The following CDCA7L variants were observed in gnomAD, a reference collection of about 807,000 sequenced individuals.
The protein encoded by CDCA7L is cell division cycle associated 7 like.
CDCA7L carries 44 observed loss-of-function variants against 57.4 expected under a neutral mutation model. That is an observed-to-expected ratio of 0.77 (90% CI 0.60 to 0.98). CDCA7L has a LOEUF of 0.98. Among genes scored for constraint, CDCA7L ranks in the 50% least tolerant of loss-of-function variants. The pLI is 0.00. For synonymous variants in CDCA7L, 236 were observed against 202.8 expected (o/e 1.16, Z -1.39); for missense variants, 644 against 580.6 (o/e 1.11, Z -1.12).
intron 1 of CDCA7L, among the ~76,000 whole-genome samples, chr7:21,939,556 A>C (rs540504072): frequency 1.8e-4 from 28 of 152,196 alleles, no homozygotes; most frequent in Non-Finnish European, 3.5e-4. Context: ...TCCTCCAGGG[A>C]GGTCAGCAGA....
At chr7:21,913,322 G>C (rs913629482) in intron 2 of CDCA7L, among the ~76,000 whole-genome samples, 1 of 151,844 alleles carries the variant, frequency 6.6e-6, no homozygotes, top group African/African-American at 2.4e-5. Context: ...GATAGCTGTA[G>C]TGCAGCTGCT....
intron 1 of CDCA7L, among the ~76,000 whole-genome samples, chr7:21,943,286 C>A (rs1786403288): frequency 6.6e-6 from 1 of 152,244 alleles, no homozygotes; most frequent in Non-Finnish European, 1.5e-5. Flanking sequence ...AAAGCAGACT[C>A]GAAAGTAGTT....
In CDCA7L at chr7:21,910,548, G is replaced by C. The variant is rs923268442; in HGVS notation, c.303+1069C>G. ...CTTTAGCAGCTTCTGGCTGTGAAGA[G>C]GCGTAAACTCTACGTTCCATCTTCA... On this transcript the variant is annotated intron_variant, in intron 3 of 9. Transcript: ENST00000406877. Among the ~76,000 whole-genome samples the C allele has an allele frequency of 9.8e-5, 15 of 152,326 alleles. No homozygotes were observed. The South Asian group carries it at 1.7e-3, about 17-fold the overall frequency.
intron 1 of CDCA7L, among the ~76,000 whole-genome samples, chr7:21,932,869 T>G (rs1786057220): frequency 6.6e-6 from 1 of 151,692 alleles, no homozygotes; most frequent in East Asian, 1.9e-4. Flanking sequence ...ACAGGCAACT[T>G]ACAGAATGGA....
intron 1 of CDCA7L, among the ~76,000 whole-genome samples, chr7:21,924,559 G>A (rs1204352628): frequency 6.6e-6 from 1 of 152,102 alleles, no homozygotes; most frequent in Admixed American, 6.5e-5. Context: ...TAAATTTGTT[G>A]GCCCATAAGA....
Position 21,900,925 on chromosome 7 carries a change from T to C in CDCA7L, c.*1397A>G. 1.4e-6 allele frequency: 2 copies of C among 1,417,730 alleles called. No individual in the cohort carries two copies. The highest frequency in any genetic ancestry group is 1.8e-6 in the Non-Finnish European group (2 of 1,081,740). The allele number at this position is 1,417,730 out of a possible 1,614,324, so 87.8% of individuals were successfully genotyped here. A position where few individuals can be genotyped will look rare whatever the true frequency, so the allele number is the denominator to read the frequency against. The stretch of plus-strand genomic sequence containing the variant: ...ATGACAAAACCAGAATGTTGAATGT[T>C]TATTGCATCAAACAACTTACTTGAT... On this transcript the variant is annotated 3_prime_UTR_variant, in exon 10 of 10. Transcript: ENST00000406877.
At position 21,901,309 on chromosome 7, in the gene CDCA7L, ATGTTGCTGCAC is replaced by A; in HGVS notation, c.*1002_*1012del. On this transcript the variant is annotated 3_prime_UTR_variant, in exon 10 of 10. Coordinates refer to ENST00000406877, the MANE Select transcript of CDCA7L (RefSeq NM_018719.5). ...TGGAGTGCAGTGAGGATTTTCTAGC[ATGTTGCTGCAC>A]TGTTCCCATGCACATTATTCTAACT... is the stretch of plus-strand genomic sequence containing the variant. 6.7e-7 allele frequency: 1 copy of A among 1,500,800 alleles called. No individual in the cohort carries two copies. The highest frequency in any genetic ancestry group is 1.9e-4 in the Middle Eastern group (1 of 5,404). 93.0% of individuals were successfully genotyped at this position (1,500,800 alleles called of 1,614,324 possible).
intron 4 of CDCA7L, among the ~76,000 whole-genome samples, chr7:21,907,632 T>C (rs1017991419): frequency 1.3e-5 from 2 of 152,212 alleles, no homozygotes; most frequent in Non-Finnish European, 2.9e-5. Context: ...GAATTAACAC[T>C]GTTGAGGTTG....
At position 21,915,656 on chromosome 7, in the gene CDCA7L, A is replaced by ACAC. The variant is rs11369313; in HGVS notation, c.165+1097_165+1098insGTG. On this transcript the variant is annotated intron_variant, in intron 2 of 9. Transcript: ENST00000406877. ...CTACTAAAAAAAAAAAAAAAAAAAA[A>ACAC]AAACACACACACACACACAAATTAG... 2.5e-3 allele frequency among the ~76,000 whole-genome samples: 271 copies of ACAC among 110,340 alleles called. 2 individuals are homozygous for ACAC. Among genetic ancestry groups the ACAC allele is most frequent in the East Asian group, 0.013 (39 of 3,110 alleles). 72.4% of individuals were successfully genotyped at this position (110,340 alleles called of 152,430 possible). A position where few individuals can be genotyped will look rare whatever the true frequency, so the allele number is the denominator to read the frequency against.
chr7:21,933,952 G>T (rs548594052), intron 1 of CDCA7L, among the ~76,000 whole-genome samples: 20 of 151,088 alleles, frequency 1.3e-4, no homozygotes, highest in African/African-American at 4.6e-4. Context: ...AAAAAAAACT[G>T]CCCTTCAAAA....
intron 1 of CDCA7L, among the ~76,000 whole-genome samples, chr7:21,924,496 G>A (rs1253791291): frequency 3.3e-5 from 5 of 152,096 alleles, no homozygotes; most frequent in African/African-American, 1.2e-4. Context: ...CACCACGAAG[G>A]GCGAGAACTG....
intron 4 of CDCA7L, among the ~76,000 whole-genome samples, 167 bp from the exon 5 acceptor site, chr7:21,906,806 C>T (rs764405560): frequency 7.2e-5 from 11 of 152,076 alleles, no homozygotes; most frequent in Non-Finnish European, 1.3e-4. Flanking sequence ...AAGATTGTAC[C>T]TCCAGACCTG....
rs113159246 is a variant in CDCA7L, at chr7:21,902,124, A to G, written c.*198T>C. 16 of 624,452 alleles carry G rather than the reference A, an allele frequency of 2.6e-5. No homozygotes were observed. The highest frequency in any genetic ancestry group is 1.3e-4 in the African/African-American group (7 of 54,042). 38.7% of individuals were successfully genotyped at this position (624,452 alleles called of 1,614,324 possible). A position where few individuals can be genotyped will look rare whatever the true frequency, so the allele number is the denominator to read the frequency against. On this transcript the variant is annotated 3_prime_UTR_variant, in exon 10 of 10. Transcript: ENST00000406877. ...TACAGACAGGTCTGTGCATACATCT[A>G]TATAGATTCCTCTGCTCTGCTGTCT... is the stretch of plus-strand genomic sequence containing the variant.
Position 21,901,772 on chromosome 7 carries a change from T to TTGATGGTCCC in CDCA7L, c.*549_*550insGGGACCATCA, listed in dbSNP as rs1374572921. 1.2e-5 allele frequency: 2 copies of TTGATGGTCCC among 160,260 alleles called. No individual in the cohort carries two copies. The highest frequency in any genetic ancestry group is 2.8e-5 in the Non-Finnish European group (2 of 72,456). 9.9% of individuals were successfully genotyped at this position (160,260 alleles called of 1,614,324 possible). On this transcript the variant is annotated 3_prime_UTR_variant, in exon 10 of 10. Coordinates refer to ENST00000406877, the MANE Select transcript of CDCA7L (RefSeq NM_018719.5). ...TCTGTAAGGCCTCCAGTGTCCAGTG[T>TTGATGGTCCC]CTACAATGTTGATGGTCCCCTTTTG...
chr7:21,927,593 G>C (rs1785867728), intron 1 of CDCA7L, among the ~76,000 whole-genome samples: 2 of 152,140 alleles, frequency 1.3e-5, no homozygotes, highest in Non-Finnish European at 1.5e-5. Flanking sequence ...GAGAGAAAAA[G>C]AGACAAAGAT....
At chr7:21,911,378 C>T (rs1450703348) in intron 3 of CDCA7L, among the ~76,000 whole-genome samples, 1 of 151,940 alleles carries the variant, frequency 6.6e-6, no homozygotes, top group African/African-American at 2.4e-5. Flanking sequence ...GGGACACATC[C>T]CCAAAAACCC....
At chr7:21,907,090 T>G (rs1785165565) in intron 4 of CDCA7L, among the ~76,000 whole-genome samples, 2 of 152,230 alleles carry the variant, frequency 1.3e-5, no homozygotes, top group Admixed American at 1.3e-4. Context: ...TTAAATAGAT[T>G]AATTTCTCAT....
intron 1 of CDCA7L, 132 bp downstream of exon 1, chr7:21,945,649 C>T (rs2128073025): frequency 2.6e-6 from 3 of 1,161,006 alleles, no homozygotes; most frequent in East Asian, 2.7e-5. Context: ...GGCACTCAAC[C>T]GGCTGGGCGC....
intron 1 of CDCA7L, among the ~76,000 whole-genome samples, chr7:21,925,733 T>C (rs1785804638): frequency 6.6e-6 from 1 of 151,798 alleles, no homozygotes; most frequent in African/African-American, 2.4e-5. Context: ...CTACAAAACA[T>C]AAAAAATTAG....
Sources: gnomAD v4.1 joint callset for allele counts (sites outside exome capture counted in the v4.1 genomes callset) on GRCh38, gnomAD v4.1.1 for gene constraint, MANE v1.5 for transcripts, NCBI Gene and HGNC (gene_info 2026-07-23, HGNC 2026-07-21) for gene names.